The following ATP2B2 variants were observed in gnomAD, a reference collection of about 807,000 sequenced individuals.
ATP2B2 encodes plasma membrane calcium-transporting ATPase 2.
In ATP2B2, 15 loss-of-function variants were observed where a neutral mutation model predicts 120.0. The observed-to-expected ratio is 0.12, with a 90% CI of 0.08 to 0.19. ATP2B2 has a LOEUF of 0.19. Among genes scored for constraint, ATP2B2 ranks in the 10% least tolerant of loss-of-function variants. The probability of loss-of-function intolerance (pLI) is 1.00; values close to 1 mark genes in which losing one functional copy is unlikely to be tolerated. For synonymous variants in ATP2B2, 694 were observed against 700.3 expected (o/e 0.99, Z 0.14); for missense variants, 1,045 against 1,719.8 (o/e 0.61, Z 6.94).
At chr3:10,609,966 G>A (rs1005618835) in intron 2 of ATP2B2, among the ~76,000 whole-genome samples, 37 of 151,982 alleles carry the variant, frequency 2.4e-4, no homozygotes, top group African/African-American at 8.4e-4. Context: ...TGGGCTCATC[G>A]CAGCCCTGGA....
At chr3:10,337,017 C>T (rs955953267) in intron 22 of ATP2B2, among the ~76,000 whole-genome samples, 3 of 152,100 alleles carry the variant, frequency 2.0e-5, no homozygotes, top group East Asian at 1.9e-4. Context: ...GGGGTGGCTG[C>T]GGGGCCCTAA....
At chr3:10,503,116 G>T (rs2066461415) in intron 1 of ATP2B2, among the ~76,000 whole-genome samples, 1 of 152,266 alleles carries the variant, frequency 6.6e-6, no homozygotes, top group Non-Finnish European at 1.5e-5. Context: ...GCAGAGGAGG[G>T]CAGCGGGACA....
At chr3:10,690,774 T>C (rs1012960650) in intron 1 of ATP2B2, among the ~76,000 whole-genome samples, 2 of 152,196 alleles carry the variant, frequency 1.3e-5, no homozygotes, top group Admixed American at 6.5e-5. Context: ...TGACGGGCAA[T>C]GTCAACTGCC....
intron 1 of ATP2B2, among the ~76,000 whole-genome samples, chr3:10,671,573 G>T (rs1009637663): frequency 2.0e-5 from 3 of 152,078 alleles, no homozygotes; most frequent in African/African-American, 7.2e-5. Flanking sequence ...GGAATTTATG[G>T]AAAGTCCCCA....
chr3:10,360,241 G>T, intron 12 of ATP2B2, 118 bp from the exon 13 acceptor site: 2 of 1,452,866 alleles, frequency 1.4e-6, no homozygotes, highest in South Asian at 2.9e-5. Flanking sequence ...TGGGGGCTGA[G>T]CCCTCAGGGA....
chr3:10,576,364 C>T (rs2068247017), intron 2 of ATP2B2, among the ~76,000 whole-genome samples: 1 of 152,206 alleles, frequency 6.6e-6, no homozygotes. Context: ...TGAGCTCAAT[C>T]AGAATGATTG....
intron 1 of ATP2B2, among the ~76,000 whole-genome samples, chr3:10,476,114 C>T (rs1439180755): frequency 6.6e-6 from 1 of 151,366 alleles, no homozygotes; most frequent in Non-Finnish European, 1.5e-5. Context: ...GTTTCTCTGT[C>T]TGCAAAATTC....
chr3:10,535,385 A>ATATGTG (rs373590759), intron 2 of ATP2B2, among the ~76,000 whole-genome samples: 18 of 147,064 alleles, frequency 1.2e-4, no homozygotes, highest in Non-Finnish European at 2.0e-4. Flanking sequence ...CAGCAGTTTG[A>ATATGTG]TGTGTGTGTG....
At chr3:10,675,431 A>G (rs928367966) in intron 1 of ATP2B2, among the ~76,000 whole-genome samples, 1 of 152,138 alleles carries the variant, frequency 6.6e-6, no homozygotes, top group Admixed American at 6.5e-5. Flanking sequence ...GGTTCATACA[A>G]TTTCTGATTA....
chr3:10,437,165 T>C (rs1429990564), intron 2 of ATP2B2, among the ~76,000 whole-genome samples: 1 of 152,148 alleles, frequency 6.6e-6, no homozygotes, highest in East Asian at 1.9e-4. Context: ...GAGTTCTCAT[T>C]TAGTTTTGTG....
intron 2 of ATP2B2, among the ~76,000 whole-genome samples, chr3:10,418,099 C>T (rs904375958): frequency 6.6e-6 from 1 of 152,044 alleles, no homozygotes; most frequent in African/African-American, 2.4e-5. Context: ...TGCCATCTTC[C>T]CCTTGCCTGC....
intron 2 of ATP2B2, among the ~76,000 whole-genome samples, chr3:10,446,892 A>AACAGAGT (rs2063854996): frequency 6.6e-6 from 1 of 152,244 alleles, no homozygotes. Context: ...CAGATGAGAA[A>AACAGAGT]ACAGAGTTCT....
chr3:10,634,087 G>A (rs892611), intron 1 of ATP2B2, among the ~76,000 whole-genome samples: 103,536 of 152,112 alleles, frequency 0.68, 35,455 homozygotes, highest in East Asian at 0.77. Flanking sequence ...TGAGGAGGTG[G>A]GGCTTGAACC....
chr3:10,611,911 G>A (rs1559486077), intron 2 of ATP2B2, among the ~76,000 whole-genome samples: 2 of 152,180 alleles, frequency 1.3e-5, no homozygotes, highest in Non-Finnish European at 2.9e-5. Context: ...CAGGTACACA[G>A]AAGATGCTCA....
Position 10,400,993 on chromosome 3 carries a change from C to G in ATP2B2, c.741G>C (p.Gln247His). 6.2e-7 allele frequency: 1 copy of G among 1,614,170 alleles called. No homozygotes were observed. Among genetic ancestry groups the G allele is most frequent in the Non-Finnish European group, 8.5e-7 (1 of 1,180,026 alleles). ...GGTCCTTGTCCACGGACTTGCGCACCTGGTCAGACTCTCCAGTTAGGGAGC... is the reference window on the plus strand; with the variant it reads ...GGTCCTTGTCCACGGACTTGCGCACGTGGTCAGACTCTCCAGTTAGGGAGC... ...DESSLTGESD[Q>H]VRKSVDKDPM... The change falls in exon 5 of 23, where the codon CAG becomes CAC. Residue 247 changes from glutamine to histidine, a missense_variant. Gln to His is a conservative substitution (Grantham distance 24). Coordinates refer to ENST00000360273, the MANE Select transcript of ATP2B2 (RefSeq NM_001001331.4).
chr3:10,600,361 C>T (rs535050878), intron 2 of ATP2B2, among the ~76,000 whole-genome samples: 7 of 152,278 alleles, frequency 4.6e-5, no homozygotes, highest in South Asian at 2.1e-4. Flanking sequence ...GCTCTGTGCC[C>T]GCCCCTTGCT....
intron 1 of ATP2B2, among the ~76,000 whole-genome samples, chr3:10,704,321 A>T (rs1253971313): frequency 6.6e-6 from 1 of 152,116 alleles, no homozygotes; most frequent in Non-Finnish European, 1.5e-5. Flanking sequence ...GGGGCTTAAA[A>T]CCATGCTAGT....
chr3:10,619,244 C>G (rs2069480494), intron 2 of ATP2B2, among the ~76,000 whole-genome samples: 1 of 152,124 alleles, frequency 6.6e-6, no homozygotes, highest in African/African-American at 2.4e-5. Context: ...GTGAGGGTTT[C>G]AGGCTAGCCC....
chr3:10,350,296 T>C, intron 15 of ATP2B2, 97 bp from the exon 16 acceptor site: 1 of 1,589,260 alleles, frequency 6.3e-7, no homozygotes, highest in South Asian at 1.1e-5. Flanking sequence ...ACTGGGCTCT[T>C]AGCAGCACAC....
Sources: gnomAD v4.1 joint callset for allele counts (sites outside exome capture counted in the v4.1 genomes callset) on GRCh38, gnomAD v4.1.1 for gene constraint, MANE v1.5 for transcripts, NCBI Gene and HGNC (gene_info 2026-07-23, HGNC 2026-07-21) for gene names.